The following SVEP1 variants were observed in gnomAD, a reference collection of about 807,000 sequenced individuals.
SVEP1 encodes the protein sushi, von Willebrand factor type A, EGF and pentraxin domain containing 1.
In SVEP1, 164 loss-of-function variants were observed where a neutral mutation model predicts 367.3. That is an observed-to-expected ratio of 0.45 (90% confidence interval 0.39 to 0.51). The LOEUF (loss-of-function observed/expected upper bound fraction) is 0.51, where lower values mean the gene tolerates loss of function less well. SVEP1 is among the 20% of genes least tolerant of loss of function. The probability of loss-of-function intolerance (pLI) is 0.00; values close to 1 mark genes in which losing one functional copy is unlikely to be tolerated. For synonymous variants in SVEP1, 1,666 were observed against 1,611.6 expected (o/e 1.03, Z -0.81); for missense variants, 4,117 against 4,425.3 (o/e 0.93, Z 1.98).
intron 14 of SVEP1, 94 bp downstream of exon 14, chr9:110,476,110 G>A: frequency 1.4e-6 from 1 of 709,834 alleles, no homozygotes; most frequent in East Asian, 2.6e-5. Flanking sequence ...TAAATTAATA[G>A]AAGTTAATGT....
At chr9:110,466,410 CA>C (rs1828937348) in intron 17 of SVEP1, among the ~76,000 whole-genome samples, 1 of 152,120 alleles carries the variant, frequency 6.6e-6, no homozygotes, top group South Asian at 2.1e-4. Context: ...GTGGCAGAAA[CA>C]AAACCCCAAA....
intron 46 of SVEP1, among the ~76,000 whole-genome samples, chr9:110,372,070 C>G (rs1263852546): frequency 6.6e-6 from 1 of 152,168 alleles, no homozygotes; most frequent in Non-Finnish European, 1.5e-5. Flanking sequence ...TCATTCCAGC[C>G]ACTCCCCTGC....
intron 3 of SVEP1, among the ~76,000 whole-genome samples, chr9:110,521,006 G>A (rs907915703): frequency 7.9e-5 from 12 of 152,188 alleles, no homozygotes; most frequent in South Asian, 6.2e-4. Context: ...ATCTGGGCCC[G>A]CATTCTCTTT....
rs780691813 is a variant in SVEP1, at chr9:110,459,070, G to C, written c.3366C>G (p.Pro1122=). 1 of 1,613,776 alleles carries C rather than the reference G, an allele frequency of 6.2e-7. No individual in the cohort carries two copies. The highest frequency in any genetic ancestry group is 8.5e-7 in the Non-Finnish European group (1 of 1,179,736). Residue 1122 remains proline, a synonymous_variant, in exon 19 of 48, where the codon CCC becomes CCG. Transcript: ENST00000374469. ...AATAGTCACGAGGACATGGGTGACAGGGCATTAACCCAGAACGCGAGAATT... is the reference window on the plus strand; with the variant it reads ...AATAGTCACGAGGACATGGGTGACACGGCATTAACCCAGAACGCGAGAATT... ...EGKFSRSGLM[P]CHPCPRDYYQ... is the part of the protein sequence containing the mutation.
In SVEP1 at chr9:110,434,592, T is replaced by C; in HGVS notation, c.4889-86A>G. 9 of 1,322,496 alleles carry C rather than the reference T, an allele frequency of 6.8e-6. No individual in the cohort carries two copies. The South Asian group carries it at 1.1e-4, about 16-fold the overall frequency. The allele number at this position is 1,322,496 out of a possible 1,614,324, so 81.9% of individuals were successfully genotyped here. A position where few individuals can be genotyped will look rare whatever the true frequency, so the allele number is the denominator to read the frequency against. ...CAATGATTTCAAACTGTATTCTGTA[T>C]CAGCATTTGAGAGCCACCTTACTGA... On this transcript the variant is annotated intron_variant, in intron 29 of 47. Coordinates refer to ENST00000374469, the MANE Select transcript of SVEP1 (RefSeq NM_153366.4).
intron 3 of SVEP1, among the ~76,000 whole-genome samples, chr9:110,540,115 T>C (rs1028415342): frequency 2.5e-4 from 38 of 152,106 alleles, no homozygotes; most frequent in African/African-American, 8.9e-4. Flanking sequence ...TATTAGCTAC[T>C]ATTGTTATTA....
chr9:110,566,324 TAATAAATAAATAAATAAATAAATA>T (rs199990111), intron 1 of SVEP1, among the ~76,000 whole-genome samples: 1,777 of 141,994 alleles, frequency 0.013, 20 homozygotes, highest in Non-Finnish European at 0.019. Context: ...CCTGTCTCCA[TAATAAATAAATAAATAAATAAATA>T]AATAAATAAA....
intron 18 of SVEP1, among the ~76,000 whole-genome samples, chr9:110,465,407 A>T (rs1828919602): frequency 6.6e-6 from 1 of 152,244 alleles, no homozygotes; most frequent in South Asian, 2.1e-4. Flanking sequence ...GTAAATGTGA[A>T]GATGATTCTA....
intron 47 of SVEP1, among the ~76,000 whole-genome samples, chr9:110,366,780 G>A (rs1412112723): frequency 6.6e-6 from 1 of 152,180 alleles, no homozygotes; most frequent in Non-Finnish European, 1.5e-5. Flanking sequence ...TCAGACCTGA[G>A]TTTTACTCTT....
At chr9:110,517,990 TGAA>T (rs959596439) in intron 3 of SVEP1, among the ~76,000 whole-genome samples, 1 of 151,940 alleles carries the variant, frequency 6.6e-6, no homozygotes, top group South Asian at 2.1e-4. Context: ...ATATGAGACT[TGAA>T]GAAAATTATC....
intron 3 of SVEP1, among the ~76,000 whole-genome samples, chr9:110,542,420 A>G (rs1455803091): frequency 2.6e-5 from 4 of 152,144 alleles, no homozygotes; most frequent in Non-Finnish European, 5.9e-5. Context: ...TTGTTTCTGC[A>G]GTGAGGATAA....
At chr9:110,527,538 C>T (rs943499503) in intron 3 of SVEP1, among the ~76,000 whole-genome samples, 2 of 152,012 alleles carry the variant, frequency 1.3e-5, no homozygotes, top group Non-Finnish European at 2.9e-5. Flanking sequence ...TATTTACCTA[C>T]ATCCTTAATT....
chr9:110,394,876 T>C (rs1001628788), intron 40 of SVEP1, among the ~76,000 whole-genome samples: 3 of 152,196 alleles, frequency 2.0e-5, no homozygotes, highest in South Asian at 2.1e-4. Context: ...CTACGTCTGA[T>C]TGGTGTACCT....
At position 110,482,217 on chromosome 9, in the gene SVEP1, A is replaced by G. The variant is rs1412988699; in HGVS notation, c.2170+144T>C. On this transcript the variant is annotated intron_variant, in intron 11 of 47. Transcript: ENST00000374469. ...TCTATCACAAGGTCAAGGAATGACAATGGAAAACCTAAATAAAACCTGTCA... is the reference window on the plus strand; with the variant it reads ...TCTATCACAAGGTCAAGGAATGACAGTGGAAAACCTAAATAAAACCTGTCA... 1.9e-5 allele frequency: 16 copies of G among 851,836 alleles called. 1 individual carries two copies. The highest frequency in any genetic ancestry group is 3.5e-5 in the Admixed American group (1 of 28,642). The allele number at this position is 851,836 out of a possible 1,614,324, so 52.8% of individuals were successfully genotyped here.
chr9:110,550,497 T>A (rs1830271669), intron 1 of SVEP1, among the ~76,000 whole-genome samples: 2 of 150,988 alleles, frequency 1.3e-5, no homozygotes, highest in Admixed American at 1.3e-4. Flanking sequence ...TATCTATCTA[T>A]CTATCTATCT....
At chr9:110,576,598 T>G (rs1830630480) in intron 1 of SVEP1, among the ~76,000 whole-genome samples, 1 of 151,910 alleles carries the variant, frequency 6.6e-6, no homozygotes, top group South Asian at 2.1e-4. Context: ...AAAAAAAGAA[T>G]CAAAGAGACT....
At chr9:110,409,122 A>G (rs963842340) in intron 37 of SVEP1, among the ~76,000 whole-genome samples, 171 bp from the exon 38 acceptor site, 4 of 152,208 alleles carry the variant, frequency 2.6e-5, no homozygotes, top group Admixed American at 2.6e-4. Context: ...ATTTTTTTAA[A>G]TAAGTGAAAA....
chr9:110,459,195 A>G, intron 18 of SVEP1, 82 bp from the exon 19 acceptor site: 3 of 1,303,932 alleles, frequency 2.3e-6, no homozygotes, highest in Non-Finnish European at 3.2e-6. Flanking sequence ...CTGTGCATAT[A>G]AGAAACCTAC....
chr9:110,423,826 C>T (rs7031608), intron 36 of SVEP1, among the ~76,000 whole-genome samples: 1 of 152,136 alleles, frequency 6.6e-6, no homozygotes, highest in East Asian at 1.9e-4. Flanking sequence ...ACAAACAATT[C>T]ATCCCTAGAA....
Sources: allele counts gnomAD v4.1 joint callset (sites outside exome capture counted in the v4.1 genomes callset), GRCh38; gene constraint gnomAD v4.1.1; transcripts MANE v1.5; gene names NCBI Gene and HGNC (gene_info 2026-07-23, HGNC 2026-07-21).